Variants in CMIP observed in about 807,000 individuals in gnomAD.
CMIP encodes the protein c-Maf inducing protein, also known as C-Maf-inducing protein.
Under a neutral mutation model 97.3 loss-of-function variants are expected in CMIP, and 13 were observed. That is an observed-to-expected ratio of 0.13 (90% CI 0.09 to 0.21). The LOEUF is 0.21. CMIP is among the 10% of genes least tolerant of loss of function. CMIP has a pLI of 1.00. For missense variants in CMIP, 847 were observed against 1,024.9 expected (o/e 0.83, Z 2.37); for synonymous variants, 538 against 436.3 (o/e 1.23, Z -2.91).
chr16:81,544,604 G>A (rs1261052699), intron 1 of CMIP, among the ~76,000 whole-genome samples: 1 of 151,596 alleles, frequency 6.6e-6, no homozygotes, highest in Non-Finnish European at 1.5e-5. Context: ...CAGGGTGCCA[G>A]GACCACCACA....
At chr16:81,590,398 C>T (rs1475184305) in intron 1 of CMIP, among the ~76,000 whole-genome samples, 6 of 152,178 alleles carry the variant, frequency 3.9e-5, no homozygotes, top group East Asian at 1.9e-4. Flanking sequence ...CCCATGATTT[C>T]GGGAACAAGA....
At chr16:81,656,620 A>G (rs142379403) in intron 4 of CMIP, among the ~76,000 whole-genome samples, 1 of 152,324 alleles carries the variant, frequency 6.6e-6, no homozygotes, top group East Asian at 1.9e-4. Flanking sequence ...CTAATCGTGA[A>G]ACCTGAAATG....
At chr16:81,530,965 C>T (rs2090223034) in intron 1 of CMIP, among the ~76,000 whole-genome samples, 1 of 152,222 alleles carries the variant, frequency 6.6e-6, no homozygotes. Flanking sequence ...ACCAGCTAGC[C>T]TGAGCTTGTT....
intron 1 of CMIP, among the ~76,000 whole-genome samples, chr16:81,510,129 C>T (rs1202843435): frequency 1.3e-5 from 2 of 152,180 alleles, no homozygotes; most frequent in East Asian, 3.8e-4. Flanking sequence ...GGGCCTCTAT[C>T]AAGGTATTGA....
intron 1 of CMIP, among the ~76,000 whole-genome samples, chr16:81,581,334 G>C (rs1323799669): frequency 6.6e-6 from 1 of 152,218 alleles, no homozygotes; most frequent in Non-Finnish European, 1.5e-5. Context: ...ACATCCTGGA[G>C]TGTGCTCACA....
At chr16:81,645,458 T>C in intron 3 of CMIP, 1 of 1,525,614 alleles carries the variant, frequency 6.6e-7, no homozygotes, top group East Asian at 2.5e-5. Flanking sequence ...GAGTCACTCC[T>C]CTCCTGGCAA....
chr16:81,447,393 G>A (rs745767850), intron 1 of CMIP, among the ~76,000 whole-genome samples: 1 of 152,112 alleles, frequency 6.6e-6, no homozygotes, highest in African/African-American at 2.4e-5. Flanking sequence ...CGCTGCTACC[G>A]TCCTGTTTCC....
chr16:81,553,864 T>G lies in CMIP; in HGVS notation c.301-53703T>G, dbSNP rs1199129439. Among the ~76,000 whole-genome samples the G allele has an allele frequency of 2.0e-5, 3 of 152,240 alleles. No homozygotes were observed. In the East Asian group the frequency reaches 5.8e-4, roughly 29 times the overall value. On this transcript the variant is annotated intron_variant, in intron 1 of 20. Transcript: ENST00000537098. ...TGGAGGGACCACCTTCAGCTTTGTG[T>G]GCAGACACGTGGCCCCCCTGGCCCT...
intron 3 of CMIP, among the ~76,000 whole-genome samples, chr16:81,628,557 A>G (rs183266549): frequency 1.3e-5 from 2 of 152,324 alleles, no homozygotes; most frequent in South Asian, 2.1e-4. Flanking sequence ...CACTCACTCA[A>G]GGTCACACAG....
chr16:81,487,580 G>A (rs143780476), intron 1 of CMIP, among the ~76,000 whole-genome samples: 6 of 152,342 alleles, frequency 3.9e-5, no homozygotes, highest in Non-Finnish European at 8.8e-5. Flanking sequence ...GAGCCAGAGC[G>A]CAAGGCTCTG....
At chr16:81,562,980 C>T (rs538319668) in intron 1 of CMIP, among the ~76,000 whole-genome samples, 10 of 152,208 alleles carry the variant, frequency 6.6e-5, no homozygotes, top group African/African-American at 1.2e-4. Flanking sequence ...AGCTTTCTGC[C>T]GAGGGTTACA....
At chr16:81,698,764 C>A (rs1907054231) in intron 14 of CMIP, among the ~76,000 whole-genome samples, 1 of 152,174 alleles carries the variant, frequency 6.6e-6, no homozygotes, top group African/African-American at 2.4e-5. Flanking sequence ...CACTGACTCC[C>A]CCTTCCTCCC....
chr16:81,582,542 C>T (rs951045143), intron 1 of CMIP, among the ~76,000 whole-genome samples: 6 of 152,122 alleles, frequency 3.9e-5, no homozygotes, highest in Non-Finnish European at 1.5e-5. Flanking sequence ...CATCTGTGCA[C>T]CTTGTTGATG....
intron 1 of CMIP, among the ~76,000 whole-genome samples, chr16:81,566,377 G>A (rs2090984309): frequency 6.6e-6 from 1 of 152,210 alleles, no homozygotes; most frequent in East Asian, 1.9e-4. Flanking sequence ...CTCCCTCACT[G>A]CTGCTGTTCC....
intron 2 of CMIP, 98 bp downstream of exon 2, chr16:81,607,790 G>A: frequency 1.5e-6 from 2 of 1,343,626 alleles, no homozygotes; most frequent in Non-Finnish European, 1.0e-6. Context: ...CTATCAAGAG[G>A]AAAGGTTGTT....
At chr16:81,452,403 G>A (rs551265005) in intron 1 of CMIP, among the ~76,000 whole-genome samples, 14 of 152,176 alleles carry the variant, frequency 9.2e-5, no homozygotes, top group Non-Finnish European at 1.9e-4. Context: ...CAGCAGTTAA[G>A]TGTCACCGTT....
intron 3 of CMIP, among the ~76,000 whole-genome samples, chr16:81,626,389 AGT>A (rs925310231): frequency 1.4e-5 from 2 of 146,876 alleles, no homozygotes; most frequent in Non-Finnish European, 3.0e-5. Flanking sequence ...CTATTTTATG[AGT>A]GTGTGTGGCG....
chr16:81,502,630 T>G (rs2089634153), intron 1 of CMIP, among the ~76,000 whole-genome samples: 1 of 152,230 alleles, frequency 6.6e-6, no homozygotes, highest in South Asian at 2.1e-4. Flanking sequence ...CAGCAGGCTC[T>G]GGGAAATGAA....
At chr16:81,620,816 A>C in intron 2 of CMIP, 60 bp from the exon 3 acceptor site, 2 of 1,604,902 alleles carry the variant, frequency 1.2e-6, no homozygotes. Context: ...TGGCCTTGAA[A>C]TGCCCTGAGA....
Sources: allele counts gnomAD v4.1 joint callset (sites outside exome capture counted in the v4.1 genomes callset), GRCh38; gene constraint gnomAD v4.1.1; transcripts MANE v1.5; gene names NCBI Gene and HGNC (gene_info 2026-07-23, HGNC 2026-07-21).